LMLN: variants seen among roughly 807,000 people sequenced by gnomAD.
LMLN encodes the protein leishmanolysin like peptidase.
LMLN carries 70 observed loss-of-function variants against 92.3 expected under a neutral mutation model. The ratio of observed to expected loss-of-function variants is 0.76; its 90% confidence interval spans 0.63 to 0.92. LMLN has a LOEUF of 0.92. Ranked by LOEUF, LMLN falls within the 40% of genes least tolerant of loss-of-function variation. The pLI, the probability that LMLN is intolerant of heterozygous loss-of-function variation, is 0.00. For synonymous variants in LMLN, 308 were observed against 296.2 expected (o/e 1.04, Z -0.41); for missense variants, 691 against 814.6 (o/e 0.85, Z 1.85).
intron 12 of LMLN, among the ~76,000 whole-genome samples, chr3:198,020,831 C>A (rs565699038): frequency 3.3e-5 from 4 of 122,842 alleles, no homozygotes; most frequent in Non-Finnish European, 6.3e-5. Context: ...ATATGTTGGC[C>A]GGGCTGGTCT....
chr3:197,980,307 A>T lies in LMLN; in HGVS notation c.550-19A>T. ...ACTTTGTCTCTGTTCTGGCTTTCTGATGTCTCCCGTGGGTGCAGCAATGCC... is the reference window on the plus strand; with the variant it reads ...ACTTTGTCTCTGTTCTGGCTTTCTGTTGTCTCCCGTGGGTGCAGCAATGCC... On this transcript the variant is annotated intron_variant, in intron 5 of 15. Coordinates refer to ENST00000330198, the Ensembl canonical transcript of LMLN. 3 of 1,600,230 alleles carry T rather than the reference A, an allele frequency of 1.9e-6. No homozygotes were observed. Among genetic ancestry groups the T allele is most frequent in the Non-Finnish European group, 2.6e-6 (3 of 1,171,344 alleles).
intron 1 of LMLN, among the ~76,000 whole-genome samples, chr3:197,964,461 C>T (rs1203299923): frequency 2.7e-5 from 4 of 148,738 alleles, no homozygotes; most frequent in Non-Finnish European, 5.9e-5. Context: ...AGTGCAGTGG[C>T]GCAATCTCAG....
chr3:197,987,724 A>T (rs1302897191), intron 8 of LMLN, among the ~76,000 whole-genome samples: 1 of 152,240 alleles, frequency 6.6e-6, no homozygotes, highest in African/African-American at 2.4e-5. Context: ...ATCTGTTTAC[A>T]CTATAAATTT....
intron 14 of LMLN, among the ~76,000 whole-genome samples, chr3:198,027,470 C>A (rs1722964275): frequency 6.6e-6 from 1 of 152,120 alleles, no homozygotes; most frequent in East Asian, 1.9e-4. Context: ...CACATTGCCA[C>A]CGAGCGTCTC....
intron 11 of LMLN, among the ~76,000 whole-genome samples, chr3:198,009,407 T>C (rs1365017732): frequency 1.3e-5 from 2 of 152,230 alleles, no homozygotes; most frequent in African/African-American, 2.4e-5. Flanking sequence ...CTCTGATCAT[T>C]TTCTTTGAAA....
At chr3:198,001,492 C>T (rs1722171592) in intron 11 of LMLN, among the ~76,000 whole-genome samples, 1 of 152,154 alleles carries the variant, frequency 6.6e-6, no homozygotes, top group South Asian at 2.1e-4. Context: ...ATTCATAGGG[C>T]TAAGGGCTTC....
intron 6 of LMLN, 193 bp downstream of exon 6, chr3:197,980,697 A>C (rs1721531940): frequency 2.2e-6 from 1 of 452,714 alleles, no homozygotes; most frequent in Admixed American, 3.8e-5. Context: ...TGATAACCCA[A>C]GTTTTTAGTC....
chr3:198,041,167 C>A (rs1723394335), exon 16 of LMLN: 1 of 152,000 alleles, frequency 6.6e-6, no homozygotes, highest in Non-Finnish European at 1.5e-5. Context: ...GCTTTTTTTT[C>A]AAATGCATAA....
At chr3:197,987,411 G>C (rs867381726) in intron 8 of LMLN, among the ~76,000 whole-genome samples, 1 of 151,652 alleles carries the variant, frequency 6.6e-6, no homozygotes, top group African/African-American at 2.4e-5. Flanking sequence ...CACCCCTCTC[G>C]GCCTCCCAAA....
At chr3:198,010,210 G>C (rs1484180916) in intron 11 of LMLN, among the ~76,000 whole-genome samples, 1 of 152,162 alleles carries the variant, frequency 6.6e-6, no homozygotes, top group Non-Finnish European at 1.5e-5. Context: ...CTGGAGTGCA[G>C]TGGCACAGTC....
chr3:198,000,325 A>G (rs1158988842), intron 11 of LMLN, among the ~76,000 whole-genome samples: 1 of 152,236 alleles, frequency 6.6e-6, no homozygotes, highest in East Asian at 1.9e-4. Flanking sequence ...ATTGAATCAA[A>G]TTTGAAAATT....
intron 11 of LMLN, among the ~76,000 whole-genome samples, chr3:198,016,198 A>G (rs1722635996): frequency 7.2e-6 from 1 of 138,496 alleles, no homozygotes; most frequent in Non-Finnish European, 1.6e-5. Context: ...CAAAAACAAA[A>G]AAAAAAAAAA....
exon 8 of LMLN, chr3:197,985,888 T>C (rs7373242): frequency 0.12 from 193,362 of 1,584,066 alleles, 17,336 homozygotes; most frequent in African/African-American, 0.46. Context: ...CTTTTAATTA[T>C]AGGTATTTTT....
At chr3:197,982,554 AC>A (rs1386096108) in intron 6 of LMLN, among the ~76,000 whole-genome samples, 1 of 152,076 alleles carries the variant, frequency 6.6e-6, no homozygotes, top group African/African-American at 2.4e-5. Flanking sequence ...AGGAAGTGAA[AC>A]CTTCCTTCAC....
rs1199722831 is a variant in LMLN, at chr3:198,019,884, C to T, written c.1365+499C>T. 1.3e-5 allele frequency among the ~76,000 whole-genome samples: 2 copies of T among 151,906 alleles called. No homozygotes were observed. Among genetic ancestry groups the T allele is most frequent in the African/African-American group, 4.8e-5 (2 of 41,366 alleles). On this transcript the variant is annotated intron_variant, in intron 12 of 15. Transcript: ENST00000330198. The surrounding 1 kb of genome is among the most constrained non-coding windows in gnomAD (Gnocchi z 5.5). ...TATCTTTTATCTTTTTTTCCGAGAC[C>T]GAGTCTCACTCTGTCGCCCAGGCTG...
chr3:197,975,010 T>C, intron 2 of LMLN, 32 bp from the exon 3 acceptor site: 1 of 1,411,040 alleles, frequency 7.1e-7, no homozygotes, highest in Non-Finnish European at 1.0e-6. Flanking sequence ...CTCTGAGAGA[T>C]AATCCTTATG....
intron 14 of LMLN, among the ~76,000 whole-genome samples, chr3:198,028,738 G>A (rs1354193637): frequency 6.6e-6 from 1 of 152,214 alleles, no homozygotes; most frequent in Non-Finnish European, 1.5e-5. Context: ...ACAGGGTACA[G>A]GAAAAGCCTT....
At chr3:198,008,172 G>A (rs917655788) in intron 11 of LMLN, among the ~76,000 whole-genome samples, 1 of 151,972 alleles carries the variant, frequency 6.6e-6, no homozygotes, top group Non-Finnish European at 1.5e-5. Context: ...TATTTGTGAC[G>A]AATATAGATC....
chr3:197,974,329 G>T (rs777232505), intron 1 of LMLN, 48 bp from the exon 2 acceptor site: 1 of 961,252 alleles, frequency 1.0e-6, no homozygotes, highest in East Asian at 2.5e-5. Context: ...ATTGCAGTGG[G>T]TTAATCTGTA....
Sources: gnomAD v4.1 joint callset for allele counts (sites outside exome capture counted in the v4.1 genomes callset) on GRCh38, gnomAD v4.1.1 for gene constraint, Gnocchi (gnomAD v3.1) non-coding constraint, MANE v1.5 for transcripts, NCBI Gene and HGNC (gene_info 2026-07-23, HGNC 2026-07-21) for gene names.